The following CPXM2 variants were observed in gnomAD, a reference collection of about 807,000 sequenced individuals.
The protein encoded by CPXM2 is inactive carboxypeptidase-like protein X2.
Under a neutral mutation model 86.1 loss-of-function variants are expected in CPXM2, and 66 were observed. The observed-to-expected ratio is 0.77, with a 90% CI of 0.63 to 0.94. CPXM2 has a LOEUF of 0.94. Ranked by LOEUF, CPXM2 falls within the 40% of genes least tolerant of loss-of-function variation. The pLI, the probability that CPXM2 is intolerant of heterozygous loss-of-function variation, is 0.00. For missense variants in CPXM2, 948 were observed against 1,026.3 expected (o/e 0.92, Z 1.04); for synonymous variants, 388 against 400.2 (o/e 0.97, Z 0.36).
chr10:123,855,540 C>T (rs1848703066), intron 3 of CPXM2, among the ~76,000 whole-genome samples: 1 of 152,114 alleles, frequency 6.6e-6, no homozygotes, highest in Admixed American at 6.5e-5. Context: ...ATGTGGGTGG[C>T]CTCCACCTTT....
chr10:123,817,380 G>C (rs577153907), intron 4 of CPXM2, among the ~76,000 whole-genome samples: 107 of 152,278 alleles, frequency 7.0e-4, no homozygotes, highest in South Asian at 3.7e-3. Flanking sequence ...GAGGCCTCTA[G>C]GATTTTGGAG....
intron 9 of CPXM2, 70 bp from the exon 10 acceptor site, chr10:123,767,222 G>A: frequency 7.1e-7 from 1 of 1,398,606 alleles, no homozygotes. Context: ...CATACAAGAT[G>A]CATCTGTCTC....
intron 2 of CPXM2, among the ~76,000 whole-genome samples, chr10:123,926,591 C>T (rs144074430): frequency 1.3e-4 from 20 of 152,350 alleles, no homozygotes; most frequent in African/African-American, 4.6e-4. Flanking sequence ...AAGCTGACCA[C>T]GCAAAACGGT....
intron 7 of CPXM2, among the ~76,000 whole-genome samples, chr10:123,779,053 T>C (rs1846872584): frequency 6.6e-6 from 1 of 152,226 alleles, no homozygotes; most frequent in Non-Finnish European, 1.5e-5. Context: ...CAGAAACATC[T>C]TCCACATTTG....
intron 11 of CPXM2, 36 bp downstream of exon 11, chr10:123,761,836 C>T (rs766138240): frequency 1.7e-5 from 27 of 1,594,064 alleles, no homozygotes; most frequent in Non-Finnish European, 2.1e-5. Flanking sequence ...CGTCCTCCTG[C>T]GCCCGCAGCC....
At chr10:123,938,965 T>C (rs900348543) in intron 2 of CPXM2, among the ~76,000 whole-genome samples, 1 of 151,710 alleles carries the variant, frequency 6.6e-6, no homozygotes, top group Non-Finnish European at 1.5e-5. Flanking sequence ...TGCCAAGCCC[T>C]CTGATCAGAC....
chr10:123,864,555 C>T (rs1848936589), intron 2 of CPXM2, among the ~76,000 whole-genome samples: 1 of 152,172 alleles, frequency 6.6e-6, no homozygotes, highest in African/African-American at 2.4e-5. Flanking sequence ...TGAAGGCCTT[C>T]CAACCACCAG....
At chr10:123,836,166 C>T (rs1417789473) in intron 4 of CPXM2, among the ~76,000 whole-genome samples, 1 of 152,110 alleles carries the variant, frequency 6.6e-6, no homozygotes, top group African/African-American at 2.4e-5. Flanking sequence ...AGTCCTCAAG[C>T]CTCAAGATTC....
In CPXM2 at chr10:123,830,872, CTGTG is replaced by C. The variant is rs34599295; in HGVS notation, c.653+11473_653+11476del. On this transcript the variant is annotated intron_variant, in intron 4 of 13. Transcript: ENST00000241305. ...CACTCATCTCTCTCTCTCTCTCTCT[CTGTG>C]TGTGTGTGTGTGTGTGTGTGTGTGT... 8.6e-3 allele frequency among the ~76,000 whole-genome samples: 1,228 copies of C among 142,392 alleles called. 7 individuals are homozygous for C. The highest frequency in any genetic ancestry group is 0.023 in the South Asian group (99 of 4,368). The allele number at this position is 142,392 out of a possible 152,430, so 93.4% of individuals were successfully genotyped here.
intron 11 of CPXM2, among the ~76,000 whole-genome samples, chr10:123,760,519 T>C (rs1335857541): frequency 6.6e-6 from 1 of 152,182 alleles, no homozygotes; most frequent in Non-Finnish European, 1.5e-5. Context: ...GTTTTTCTTT[T>C]CCCAAGGGTG....
chr10:123,797,255 A>G (rs928290640), intron 6 of CPXM2, among the ~76,000 whole-genome samples: 16 of 152,256 alleles, frequency 1.1e-4, no homozygotes, highest in Admixed American at 1.0e-3. Flanking sequence ...TCAATGGTTT[A>G]GAATGAACTT....
chr10:123,901,644 C>A (rs913186415), intron 2 of CPXM2, among the ~76,000 whole-genome samples: 1 of 152,166 alleles, frequency 6.6e-6, no homozygotes, highest in African/African-American at 2.4e-5. Context: ...TGGATCACCA[C>A]TGGCTAACTG....
At chr10:123,808,620 CAAAAG>C (rs1847629776) in intron 4 of CPXM2, among the ~76,000 whole-genome samples, 1 of 152,060 alleles carries the variant, frequency 6.6e-6, no homozygotes, top group African/African-American at 2.4e-5. Flanking sequence ...TGAATCCCCT[CAAAAG>C]AAAAGAATCT....
intron 2 of CPXM2, among the ~76,000 whole-genome samples, chr10:123,866,664 G>A (rs544044644): frequency 1.8e-4 from 28 of 152,278 alleles, no homozygotes; most frequent in African/African-American, 6.7e-4. Flanking sequence ...CCCCCATCAG[G>A]CAGGTGTGAA....
chr10:123,907,696 C>G (rs1001066465), intron 2 of CPXM2, among the ~76,000 whole-genome samples: 7 of 151,186 alleles, frequency 4.6e-5, no homozygotes, highest in East Asian at 3.9e-4. Context: ...CCCCCCCTCC[C>G]ACAAGTTCAT....
At chr10:123,822,530 G>A (rs1005706067) in intron 4 of CPXM2, among the ~76,000 whole-genome samples, 22 of 152,106 alleles carry the variant, frequency 1.4e-4, no homozygotes, top group East Asian at 3.9e-4. Context: ...CTTGTAAATC[G>A]GGGGTGAGGG....
At chr10:123,778,676 T>G (rs942296766) in intron 7 of CPXM2, among the ~76,000 whole-genome samples, 1 of 152,238 alleles carries the variant, frequency 6.6e-6, no homozygotes, top group Admixed American at 6.5e-5. Context: ...GATTTATTGC[T>G]TTTGACATTA....
intron 2 of CPXM2, among the ~76,000 whole-genome samples, chr10:123,899,655 G>A (rs376309481): frequency 5.3e-5 from 8 of 152,280 alleles, no homozygotes; most frequent in African/African-American, 1.9e-4. Flanking sequence ...TGGGAGGAAG[G>A]GGAAGGAAGG....
chr10:123,788,247 T>C (rs1589999145), intron 6 of CPXM2, among the ~76,000 whole-genome samples: 1 of 133,624 alleles, frequency 7.5e-6, no homozygotes, highest in Non-Finnish European at 1.5e-5. Flanking sequence ...GCCACTGCAC[T>C]CCAGCCTGGG....
Sources: allele counts gnomAD v4.1 joint callset (sites outside exome capture counted in the v4.1 genomes callset), GRCh38; gene constraint gnomAD v4.1.1; transcripts MANE v1.5; gene names NCBI Gene and HGNC (gene_info 2026-07-23, HGNC 2026-07-21).